DST: variants seen among roughly 807,000 people sequenced by gnomAD.
DST encodes the protein bullous pemphigoid antigen.
Under a neutral mutation model 875.2 loss-of-function variants are expected in DST, and 253 were observed. That is an observed-to-expected ratio of 0.29 (90% CI 0.26 to 0.32). The LOEUF (loss-of-function observed/expected upper bound fraction) is 0.32. Ranked by LOEUF, DST falls within the 10% of genes least tolerant of loss-of-function variation. The pLI is 1.00. For missense variants in DST, 8,287 were observed against 9,111.6 expected, an observed-to-expected ratio of 0.91 and a Z score of 3.68; for synonymous variants, 3,124 against 3,197.1, an observed-to-expected ratio of 0.98 and a Z score of 0.77.
In DST at chr6:56,508,626, A is replaced by G; in HGVS notation, c.19142T>C (p.Leu6381Ser). 6.2e-7 allele frequency: 1 copy of G among 1,613,854 alleles called. No homozygotes were observed. The highest frequency in any genetic ancestry group is 8.5e-7 in the Non-Finnish European group (1 of 1,179,812). ...AEKFWCDHMSLIVTIKDTQDF... is the reference protein window; with the variant it reads ...AEKFWCDHMSSIVTIKDTQDF... ...TTGAGTATCTTTAATGGTAACTATC[A>G]ATGACATGTGATCACACCAGAACTT... The change falls in exon 75 of 104, where the codon TTG becomes TCG. Residue 6381 changes from leucine (L) to serine (S), a missense_variant. Transcript: ENST00000680361.
intron 4 of DST, among the ~76,000 whole-genome samples, chr6:56,816,682 G>A (rs35886823): frequency 0.23 from 35,629 of 152,082 alleles, 5,332 homozygotes; most frequent in African/African-American, 0.41. Context: ...GACTGAGGTG[G>A]CAGTAGTTAG....
rs1334889932 is a variant in DST at position 56,953,811 on chromosome 6, A to C, written c.190T>G (p.Leu64Val). 7.6e-7 allele frequency: 1 copy of C among 1,315,308 alleles called. No individual in the cohort carries two copies. The highest frequency in any genetic ancestry group is 1.0e-6 in the Non-Finnish European group (1 of 994,128). The allele number at this position is 1,315,308 out of a possible 1,614,324, so 81.5% of individuals were successfully genotyped here. ...TCAGAACGAAAGTGGTGCGATCTCA[A>C]AACAGCATCTGGGGAGAAAAGAGAT... ...SGRSRSRDAV[L>V]RSHHFRSEGF... is the part of the protein sequence containing the mutation. The change falls in exon 2 of 104, where the codon TTG becomes GTG. Residue 64 changes from leucine to valine, a missense_variant. Around this residue, in one of 10 missense-constraint regions of DST, gnomAD observed 1,160 missense variants for 1,424.3 expected, o/e 0.81. Coordinates refer to ENST00000680361, the MANE Select transcript of DST (RefSeq NM_001374736.1).
At chr6:56,472,826 CT>C (rs1314523737) in intron 93 of DST, among the ~76,000 whole-genome samples, 28 of 152,238 alleles carry the variant, frequency 1.8e-4, no homozygotes, top group Admixed American at 1.8e-3. Flanking sequence ...CCTTACTAAA[CT>C]TTCCTCCTGC....
intron 90 of DST, among the ~76,000 whole-genome samples, chr6:56,480,207 C>T (rs1162918306): frequency 6.6e-6 from 1 of 152,148 alleles, no homozygotes; most frequent in Non-Finnish European, 1.5e-5. Flanking sequence ...ATAACACCTA[C>T]TTTTTAAATA....
At chr6:56,779,481 T>C (rs986249214) in intron 4 of DST, among the ~76,000 whole-genome samples, 3 of 152,096 alleles carry the variant, frequency 2.0e-5, no homozygotes, top group African/African-American at 4.8e-5. Flanking sequence ...CTGAATGGTA[T>C]TGTCTAGGTT....
chr6:56,594,816 C>G (rs1320127849), intron 47 of DST, among the ~76,000 whole-genome samples: 2 of 152,226 alleles, frequency 1.3e-5, no homozygotes, highest in Non-Finnish European at 2.9e-5. Flanking sequence ...ATAACTCCTA[C>G]ACATCACAGG....
intron 33 of DST, among the ~76,000 whole-genome samples, 195 bp from the exon 34 acceptor site, chr6:56,627,482 G>T (rs1199710341): frequency 6.6e-6 from 1 of 152,140 alleles, no homozygotes; most frequent in Non-Finnish European, 1.5e-5. Flanking sequence ...CACCCCATGT[G>T]GTTTTCAAAG....
At chr6:56,862,318 T>A (rs1771641020) in intron 3 of DST, among the ~76,000 whole-genome samples, 1 of 152,152 alleles carries the variant, frequency 6.6e-6, no homozygotes, top group South Asian at 2.1e-4. Context: ...ATGTATTTCC[T>A]TTCTTGCTTG....
intron 5 of DST, among the ~76,000 whole-genome samples, chr6:56,712,780 T>C (rs1255104343): frequency 6.6e-6 from 1 of 152,198 alleles, no homozygotes; most frequent in Non-Finnish European, 1.5e-5. Context: ...GCAAAGGTTA[T>C]TTTAAATAAT....
rs770717397 is a variant in DST, at chr6:56,606,404, T to C, written c.8224A>G (p.Thr2742Ala). The C allele has an allele frequency of 6.2e-7, 1 of 1,613,400 alleles. No homozygotes were observed. Among genetic ancestry groups the C allele is most frequent in the South Asian group, 1.1e-5 (1 of 91,072 alleles). Residue 2742 changes from threonine to alanine, a missense_variant, in exon 40 of 104, where the codon ACT (threonine) becomes GCT (alanine). Thr to Ala is a moderately conservative substitution (Grantham distance 58). This residue lies in a region of DST where 3,138 missense variants were observed against 3,116.6 expected (regional missense o/e 1.01). Coordinates refer to ENST00000680361, the MANE Select transcript of DST (RefSeq NM_001374736.1). ...TTTCCTCCTACAATATCATAATCAG[T>C]CAATGAGTCAGATTCATCACCTTCA... Reference protein sequence around the residue: ...ILEGDESDSLTDYDIVGGKES... With the variant: ...ILEGDESDSLADYDIVGGKES...
At chr6:56,502,487 T>C (rs1212725014) in intron 78 of DST, among the ~76,000 whole-genome samples, 3 of 152,092 alleles carry the variant, frequency 2.0e-5, no homozygotes, top group Non-Finnish European at 4.4e-5. Context: ...TTATCCTTAA[T>C]GTAAGCTAAA....
intron 48 of DST, 45 bp downstream of exon 48, chr6:56,593,618 T>C: frequency 4.2e-6 from 6 of 1,432,598 alleles, no homozygotes; most frequent in Non-Finnish European, 5.6e-6. Context: ...TTGAAAACTA[T>C]AATTGCAGAT....
In DST at chr6:56,482,152, A is replaced by C; in HGVS notation, c.21429T>G (p.His7143Gln). ...RQAEEFHSVV[H>Q]ALLEWLAEAE... ...CCTCAGCCAGCCACTCCAAGAGGGC[A>C]TGTACCACCGAGTGGAATTCCTCTG... The change falls in exon 90 of 104, where the codon CAT becomes CAG. Residue 7143 changes from histidine to glutamine, a missense_variant. His to Gln is a conservative substitution (Grantham distance 24). Coordinates refer to ENST00000680361, the MANE Select transcript of DST (RefSeq NM_001374736.1). 1 of 1,610,708 alleles carries C rather than the reference A, an allele frequency of 6.2e-7. No homozygotes were observed. Among genetic ancestry groups the C allele is most frequent in the Non-Finnish European group, 8.5e-7 (1 of 1,177,450 alleles).
intron 3 of DST, among the ~76,000 whole-genome samples, chr6:56,858,598 C>G (rs1048928166): frequency 6.6e-6 from 1 of 152,132 alleles, no homozygotes; most frequent in Non-Finnish European, 1.5e-5. Flanking sequence ...CTAATGAACA[C>G]TAAGGTTGAT....
intron 54 of DST, among the ~76,000 whole-genome samples, chr6:56,569,257 A>G (rs1395916860): frequency 4.0e-5 from 6 of 150,070 alleles, no homozygotes; most frequent in Non-Finnish European, 3.0e-5. Flanking sequence ...CCCAGGAGGC[A>G]GAGCTTGCAG....
chr6:56,511,190 C>G lies in DST; in HGVS notation c.18780+7G>C. Reference sequence around the variant, plus strand: ...AACCCAATTCTATATCTAGTGTAAACAATTACCTGAGTTGATTGAGAAATG... The same window carrying G: ...AACCCAATTCTATATCTAGTGTAAAGAATTACCTGAGTTGATTGAGAAATG... On this transcript the variant is annotated splice_region_variant and intron_variant, in intron 73 of 103. Coordinates refer to ENST00000680361, the MANE Select transcript of DST (RefSeq NM_001374736.1). 1 of 1,570,424 alleles carries G rather than the reference C, an allele frequency of 6.4e-7. No individual in the cohort carries two copies. The highest frequency in any genetic ancestry group is 8.7e-7 in the Non-Finnish European group (1 of 1,155,918).
rs986860073 is a variant in DST, at chr6:56,526,397, C to T, written c.18093G>A (p.Val6031=). The change falls in exon 69 of 104, where the codon GTG becomes GTA. Residue 6031 remains valine, a synonymous_variant. Transcript: ENST00000680361. The part of the protein sequence containing the change: ...RLVSDTITQK[V]EEIDAAILRS... The stretch of plus-strand genomic sequence containing the variant: ...GCAGAATGGCTGCATCGATCTCCTC[C>T]ACCTTCTGAGTGATGGTGTCGCTCA... The T allele has an allele frequency of 6.2e-7, 1 of 1,613,828 alleles. No individual in the cohort carries two copies. The highest frequency in any genetic ancestry group is 1.1e-5 in the South Asian group (1 of 91,084).
chr6:56,829,738 A>C (rs1289387321), intron 4 of DST, among the ~76,000 whole-genome samples: 1 of 152,162 alleles, frequency 6.6e-6, no homozygotes, highest in Non-Finnish European at 1.5e-5. Context: ...TAATTTTTTT[A>C]TGTCTAGCAC....
chr6:56,528,476 G>C (rs773166503), intron 67 of DST, among the ~76,000 whole-genome samples: 3 of 152,142 alleles, frequency 2.0e-5, no homozygotes, highest in Non-Finnish European at 4.4e-5. Flanking sequence ...GCCATACTGT[G>C]TGTCACTGCA....
Sources: allele counts gnomAD v4.1 joint callset (sites outside exome capture counted in the v4.1 genomes callset), GRCh38; gene constraint gnomAD v4.1.1; regional missense constraint gnomAD v4.1.1; transcripts MANE v1.5; gene names NCBI Gene and HGNC (gene_info 2026-07-23, HGNC 2026-07-21).